CNTN4: variants seen among roughly 807,000 people sequenced by gnomAD.
CNTN4 encodes the protein contactin 4.
In CNTN4, 77 loss-of-function variants were observed where a neutral mutation model predicts 122.5. The observed-to-expected ratio is 0.63, with a 90% CI of 0.52 to 0.76. The LOEUF (loss-of-function observed/expected upper bound fraction) is 0.76. Ranked by LOEUF, CNTN4 falls within the 30% of genes least tolerant of loss-of-function variation. The pLI, the probability that CNTN4 is intolerant of heterozygous loss-of-function variation, is 0.00. For synonymous variants in CNTN4, 512 were observed against 447.0 expected, an observed-to-expected ratio of 1.15 and a Z score of -1.83; for missense variants, 1,256 against 1,259.1, an observed-to-expected ratio of 1.00 and a Z score of 0.04.
At chr3:2,868,923 A>C (rs2093754199) in intron 8 of CNTN4, among the ~76,000 whole-genome samples, 1 of 152,132 alleles carries the variant, frequency 6.6e-6, no homozygotes, top group African/African-American at 2.4e-5. Context: ...CTGAGATCTG[A>C]ATAGCAAGAA....
At chr3:2,964,647 G>A (rs1692115066) in intron 13 of CNTN4, among the ~76,000 whole-genome samples, 1 of 152,074 alleles carries the variant, frequency 6.6e-6, no homozygotes, top group Non-Finnish European at 1.5e-5. Flanking sequence ...TTTAAGTAAG[G>A]AACTAGATAA....
intron 14 of CNTN4, among the ~76,000 whole-genome samples, chr3:3,018,699 CAT>C: frequency 6.6e-6 from 1 of 152,290 alleles, no homozygotes; most frequent in Non-Finnish European, 1.5e-5. Flanking sequence ...TGTATACACA[CAT>C]AGATATTTCC....
chr3:2,916,533 T>G (rs530104329), intron 12 of CNTN4, among the ~76,000 whole-genome samples: 4 of 144,020 alleles, frequency 2.8e-5, no homozygotes, highest in Non-Finnish European at 6.1e-5. Context: ...GGCCATAGAT[T>G]AACAGCATCC....
At chr3:2,795,787 T>A (rs1039617709) in intron 6 of CNTN4, among the ~76,000 whole-genome samples, 1 of 152,142 alleles carries the variant, frequency 6.6e-6, no homozygotes, top group Non-Finnish European at 1.5e-5. Context: ...CCCAAAGTGC[T>A]GGGATTACAG....
chr3:2,951,923 A>G (rs2094749791), intron 13 of CNTN4, among the ~76,000 whole-genome samples: 1 of 152,200 alleles, frequency 6.6e-6, no homozygotes, highest in Non-Finnish European at 1.5e-5. Flanking sequence ...TTTTAGAAAA[A>G]CAGATAAACT....
At chr3:2,731,294 C>G (rs933922523) in intron 4 of CNTN4, among the ~76,000 whole-genome samples, 3 of 152,102 alleles carry the variant, frequency 2.0e-5, no homozygotes, top group Non-Finnish European at 4.4e-5. Flanking sequence ...TCAGCCTAGT[C>G]TTCTCCCTTC....
chr3:3,043,331 T>C (rs1352095157), intron 22 of CNTN4, among the ~76,000 whole-genome samples, 168 bp downstream of exon 22: 5 of 152,224 alleles, frequency 3.3e-5, no homozygotes, highest in Non-Finnish European at 7.3e-5. Flanking sequence ...GCAAAATTCA[T>C]TGCTGTGGAG....
chr3:2,265,782 C>A (rs1417383619), intron 2 of CNTN4, among the ~76,000 whole-genome samples: 1 of 149,364 alleles, frequency 6.7e-6, no homozygotes, highest in Non-Finnish European at 1.5e-5. Flanking sequence ...TTGTGGAGAT[C>A]TTCCATGTCT....
At chr3:2,345,544 T>G (rs892536166) in intron 3 of CNTN4, among the ~76,000 whole-genome samples, 2 of 152,166 alleles carry the variant, frequency 1.3e-5, no homozygotes, top group African/African-American at 4.8e-5. Context: ...GGGTGTCATT[T>G]GTTCTCCCAA....
chr3:2,201,034 T>G (rs2038073381), intron 2 of CNTN4, among the ~76,000 whole-genome samples: 1 of 152,176 alleles, frequency 6.6e-6, no homozygotes, highest in Non-Finnish European at 1.5e-5. Flanking sequence ...TGCCACCTTT[T>G]TTCCCTGAGA....
intron 2 of CNTN4, among the ~76,000 whole-genome samples, chr3:2,141,862 A>T (rs2035012620): frequency 6.6e-6 from 1 of 152,134 alleles, no homozygotes. Flanking sequence ...AAACCTTTTG[A>T]CAGTTGCATC....
chr3:2,853,889 T>C (rs1451677134), intron 7 of CNTN4, among the ~76,000 whole-genome samples: 1 of 152,220 alleles, frequency 6.6e-6, no homozygotes, highest in Non-Finnish European at 1.5e-5. Flanking sequence ...CCCATCTCTA[T>C]GCTGGCCTTG....
chr3:2,135,258 G>A (rs2034635202), intron 2 of CNTN4, among the ~76,000 whole-genome samples: 1 of 152,164 alleles, frequency 6.6e-6, no homozygotes, highest in Admixed American at 6.5e-5. Context: ...CTCGAGACAG[G>A]AAGAGATGGG....
At chr3:2,286,941 C>G (rs1378920346) in intron 2 of CNTN4, among the ~76,000 whole-genome samples, 2 of 152,064 alleles carry the variant, frequency 1.3e-5, no homozygotes, top group African/African-American at 4.8e-5. Context: ...TTGATTGTAC[C>G]CCTGAGATGG....
intron 7 of CNTN4, among the ~76,000 whole-genome samples, chr3:2,825,511 C>T (rs1444355768): frequency 6.6e-5 from 10 of 152,060 alleles, no homozygotes; most frequent in Admixed American, 2.6e-4. Context: ...TGTGAGCCAT[C>T]GCACCCAGCC....
At chr3:2,824,244 T>C (rs1045316911) in intron 7 of CNTN4, among the ~76,000 whole-genome samples, 1 of 151,322 alleles carries the variant, frequency 6.6e-6, no homozygotes, top group African/African-American at 2.4e-5. Flanking sequence ...GGTGGATCAC[T>C]TGAGGTCAGG....
intron 4 of CNTN4, among the ~76,000 whole-genome samples, chr3:2,611,196 G>T (rs370781002): frequency 9.4e-5 from 14 of 149,346 alleles, no homozygotes; most frequent in African/African-American, 3.0e-4. Context: ...CTATTTTGTT[G>T]GAACATTCAT....
intron 12 of CNTN4, among the ~76,000 whole-genome samples, chr3:2,925,404 T>C (rs760483739): frequency 2.0e-5 from 3 of 151,830 alleles, no homozygotes; most frequent in Admixed American, 6.6e-5. Flanking sequence ...AATACAAAAA[T>C]TACCTGGGCG....
chr3:2,649,880 G>A (rs1293980350), intron 4 of CNTN4, among the ~76,000 whole-genome samples: 1 of 151,788 alleles, frequency 6.6e-6, no homozygotes, highest in African/African-American at 2.4e-5. Context: ...TGTAATACTA[G>A]CACTTTGAGA....
Sources: allele counts gnomAD v4.1 joint callset (sites outside exome capture counted in the v4.1 genomes callset), GRCh38; gene constraint gnomAD v4.1.1; transcripts MANE v1.5; gene names NCBI Gene and HGNC (gene_info 2026-07-23, HGNC 2026-07-21).